The following SGSM1 variants were observed in gnomAD, a reference collection of about 807,000 sequenced individuals.
SGSM1 encodes small G protein signaling modulator 1, also known as RUN and TBC1 domain containing 2.
In SGSM1, 73 loss-of-function variants were observed where a neutral mutation model predicts 133.8. That is an observed-to-expected ratio of 0.55 (90% CI 0.45 to 0.66). The LOEUF is 0.66. SGSM1 is among the 30% of genes least tolerant of loss of function. SGSM1 has a pLI of 0.00. For missense variants in SGSM1, 1,213 were observed against 1,448.1 expected (o/e 0.84, Z 2.64); for synonymous variants, 563 against 573.0 (o/e 0.98, Z 0.25).
chr22:24,914,302 A>AAAC, intron 22 of SGSM1, among the ~76,000 whole-genome samples: 1 of 151,402 alleles, frequency 6.6e-6, no homozygotes, highest in East Asian at 1.9e-4. Flanking sequence ...CAAAAAAAAA[A>AAAC]AAAAAAAAGA....
chr22:24,874,545 T>G (rs538413907), intron 12 of SGSM1: 1 of 1,610,562 alleles, frequency 6.2e-7, no homozygotes, highest in South Asian at 1.1e-5. Context: ...GGGACACTAC[T>G]CTCCCCACGC....
intron 5 of SGSM1, among the ~76,000 whole-genome samples, chr22:24,850,970 A>G (rs139671): frequency 0.44 from 66,199 of 151,704 alleles, 16,555 homozygotes; most frequent in African/African-American, 0.7. Flanking sequence ...GCGTGGTGGC[A>G]GGTGTCTGTA....
intron 2 of SGSM1, among the ~76,000 whole-genome samples, chr22:24,807,888 CGT>C (rs71189301): frequency 1.8e-4 from 27 of 147,620 alleles, no homozygotes; most frequent in Middle Eastern, 3.4e-3. Context: ...TATGTGCCTG[CGT>C]GTGTGTGTGT....
At chr22:24,922,098 C>T (rs1934030619) in intron 24 of SGSM1, among the ~76,000 whole-genome samples, 1 of 152,036 alleles carries the variant, frequency 6.6e-6, no homozygotes, top group Admixed American at 6.6e-5. Context: ...GCTTTGCATA[C>T]CTTCTCAAGC....
intron 2 of SGSM1, among the ~76,000 whole-genome samples, chr22:24,812,066 A>T (rs1238018126): frequency 6.6e-6 from 1 of 151,028 alleles, no homozygotes; most frequent in Non-Finnish European, 1.5e-5. Flanking sequence ...GCTACTCGGG[A>T]TGCTGAGGCA....
chr22:24,836,148 C>T (rs1929414784), intron 2 of SGSM1, among the ~76,000 whole-genome samples: 1 of 152,164 alleles, frequency 6.6e-6, no homozygotes, highest in South Asian at 2.1e-4. Flanking sequence ...ATTCTCCTTT[C>T]TTTCTCTTTA....
chr22:24,915,570 A>C (rs1455548688), intron 22 of SGSM1, among the ~76,000 whole-genome samples: 2 of 152,202 alleles, frequency 1.3e-5, no homozygotes, highest in African/African-American at 4.8e-5. Flanking sequence ...TTGTGGGTAC[A>C]TAATAGGTGT....
At chr22:24,808,947 C>A (rs183138919) in intron 2 of SGSM1, among the ~76,000 whole-genome samples, 1 of 152,286 alleles carries the variant, frequency 6.6e-6, no homozygotes, top group Admixed American at 6.5e-5. Context: ...TCCAAATCTA[C>A]ACGGTGCCAC....
At chr22:24,901,782 A>G (rs371991866) in intron 19 of SGSM1, 51 bp from the exon 20 acceptor site, 10 of 1,593,880 alleles carry the variant, frequency 6.3e-6, no homozygotes, top group Non-Finnish European at 8.5e-6. Flanking sequence ...GTGGGGACTT[A>G]GATGTGATTT....
At position 24,845,959 on chromosome 22, in the gene SGSM1, T is replaced by TTCTC. The variant is rs1555924268; in HGVS notation, c.139+990_139+991insCTCT. On this transcript the variant is annotated intron_variant, in intron 3 of 24. Coordinates refer to ENST00000400358, the MANE Select transcript of SGSM1 (RefSeq NM_001098497.3). The stretch of plus-strand genomic sequence containing the variant: ...TCTTTTCTTTTCTTTCTTTCTTTCT[T>TTCTC]TCTTTCTTTCTTTCTTTCTTTCTTT... Among the ~76,000 whole-genome samples the TTCTC allele has an allele frequency of 5.1e-4, 54 of 105,036 alleles. 1 individual carries two copies. The highest frequency in any genetic ancestry group is 1.7e-3 in the African/African-American group (52 of 29,952). 68.9% of individuals were successfully genotyped at this position (105,036 alleles called of 152,430 possible).
chr22:24,895,797 G>C (rs1932900569), intron 18 of SGSM1, among the ~76,000 whole-genome samples: 1 of 152,146 alleles, frequency 6.6e-6, no homozygotes, highest in Non-Finnish European at 1.5e-5. Context: ...TGTAATCCCA[G>C]CACTTTGGGA....
chr22:24,882,433 T>C (rs1328624432), intron 14 of SGSM1, among the ~76,000 whole-genome samples: 2 of 152,170 alleles, frequency 1.3e-5, no homozygotes, highest in Non-Finnish European at 2.9e-5. Flanking sequence ...GTACATAGGA[T>C]ATTTTGATAG....
chr22:24,857,205 C>G (rs1040734539), intron 8 of SGSM1, among the ~76,000 whole-genome samples: 6 of 149,934 alleles, frequency 4.0e-5, no homozygotes, highest in Non-Finnish European at 7.4e-5. Context: ...AGTCCAAGAC[C>G]AGCCTGGCCA....
In SGSM1 at chr22:24,893,879, G is replaced by T. The variant is rs535318662; in HGVS notation, c.1953+266G>T. Among the ~76,000 whole-genome samples, 3 of 152,196 alleles carry T rather than the reference G, an allele frequency of 2.0e-5. No homozygotes were observed. In the East Asian group the frequency reaches 5.8e-4, roughly 29 times the overall value. ...GCATCTGTAAAATGGGAATAATCAG[G>T]TGTAGAGGAGGTTCGTGTACAGTCC... On this transcript the variant is annotated intron_variant, in intron 17 of 24. Transcript: ENST00000400358.
chr22:24,844,718 G>A (rs557376067), intron 2 of SGSM1, 179 bp from the exon 3 acceptor site: 2 of 579,200 alleles, frequency 3.5e-6, no homozygotes, highest in South Asian at 2.2e-5. Context: ...GCATGGAGCT[G>A]TGACAGGCCT....
intron 24 of SGSM1, 124 bp downstream of exon 24, chr22:24,920,117 C>T: frequency 9.8e-7 from 1 of 1,023,162 alleles, no homozygotes; most frequent in Non-Finnish European, 1.4e-6. Context: ...GAGGGCTCTG[C>T]ACACTTCTTA....
intron 21 of SGSM1, among the ~76,000 whole-genome samples, 173 bp downstream of exon 21, chr22:24,905,360 A>T (rs1276899057): frequency 6.6e-6 from 1 of 152,232 alleles, no homozygotes; most frequent in Non-Finnish European, 1.5e-5. Context: ...CTTATATTCC[A>T]TGGTGCCCCA....
chr22:24,910,065 A>G (rs1933562777), intron 21 of SGSM1, among the ~76,000 whole-genome samples: 1 of 152,244 alleles, frequency 6.6e-6, no homozygotes, highest in Non-Finnish European at 1.5e-5. Flanking sequence ...CCTTGAAAAC[A>G]TAATGCTAAG....
At chr22:24,861,221 C>T (rs762566296) in intron 9 of SGSM1, among the ~76,000 whole-genome samples, 1 of 150,884 alleles carries the variant, frequency 6.6e-6, no homozygotes. Flanking sequence ...GGCATGGTGG[C>T]GGGCACCTGT....
Sources: gnomAD v4.1 joint callset for allele counts (sites outside exome capture counted in the v4.1 genomes callset) on GRCh38, gnomAD v4.1.1 for gene constraint, MANE v1.5 for transcripts, NCBI Gene and HGNC (gene_info 2026-07-23, HGNC 2026-07-21) for gene names.